Variants in COL22A1 observed in about 807,000 individuals in gnomAD.
The protein encoded by COL22A1 is collagen alpha-1(XXII) chain.
A neutral mutation model predicts 248.9 loss-of-function variants in COL22A1; 221 were observed. The observed-to-expected ratio is 0.89, with a 90% CI of 0.80 to 0.99. COL22A1 has a LOEUF of 0.99. Ranked by LOEUF, COL22A1 falls within the 50% of genes least tolerant of loss-of-function variation. COL22A1 has a pLI of 0.00. For synonymous variants in COL22A1, 891 were observed against 793.4 expected, an observed-to-expected ratio of 1.12 and a Z score of -2.07; for missense variants, 2,240 against 2,179.0, an observed-to-expected ratio of 1.03 and a Z score of -0.56.
chr8:138,812,496 G>A (rs776114934), intron 8 of COL22A1, among the ~76,000 whole-genome samples: 1 of 152,176 alleles, frequency 6.6e-6, no homozygotes, highest in Admixed American at 6.5e-5. Context: ...GCTGAGGTCC[G>A]AGAACAGAGC....
intron 57 of COL22A1, among the ~76,000 whole-genome samples, chr8:138,607,004 C>G (rs1036273326): frequency 6.6e-6 from 1 of 152,168 alleles, no homozygotes; most frequent in Non-Finnish European, 1.5e-5. Context: ...ACCACAGCCC[C>G]TGAGGGAGGT....
intron 3 of COL22A1, among the ~76,000 whole-genome samples, chr8:138,876,863 G>A (rs748441423): frequency 6.6e-6 from 1 of 152,208 alleles, no homozygotes; most frequent in Non-Finnish European, 1.5e-5. Context: ...CAGCCTGACC[G>A]GCTTCAAAGC....
At chr8:138,671,185 T>C (rs1824994332) in intron 41 of COL22A1, among the ~76,000 whole-genome samples, 3 of 151,960 alleles carry the variant, frequency 2.0e-5, no homozygotes, top group South Asian at 4.2e-4. Context: ...ACTGAAAAAT[T>C]AAGAAAAAGT....
At chr8:138,810,960 C>T (rs7838450) in intron 9 of COL22A1, among the ~76,000 whole-genome samples, 71,241 of 151,970 alleles carry the variant, frequency 0.47, 17,103 homozygotes, top group Middle Eastern at 0.57. Context: ...CAATACAGCC[C>T]GGTACAGGAG....
At chr8:138,746,024 G>A (rs1209259153) in intron 22 of COL22A1, among the ~76,000 whole-genome samples, 1 of 152,192 alleles carries the variant, frequency 6.6e-6, no homozygotes, top group Non-Finnish European at 1.5e-5. Flanking sequence ...GCAGGTGGGC[G>A]GGCATCTCCT....
chr8:138,660,941 CACATAA>C (rs1274611382), intron 43 of COL22A1, among the ~76,000 whole-genome samples: 3 of 69,786 alleles, frequency 4.3e-5, no homozygotes, highest in African/African-American at 1.3e-4. Flanking sequence ...CACAGACACA[CACATAA>C]ACACACAGAC....
chr8:138,755,864 C>CTGG, intron 18 of COL22A1, 35 bp from the exon 19 acceptor site: 1 of 1,595,148 alleles, frequency 6.3e-7, no homozygotes, highest in Non-Finnish European at 8.6e-7. Context: ...AGCATAGTTA[C>CTGG]TGGTGCCACC....
chr8:138,823,419 TTTTTC>T (rs1204043827), intron 6 of COL22A1, among the ~76,000 whole-genome samples: 2 of 152,046 alleles, frequency 1.3e-5, no homozygotes, highest in African/African-American at 2.4e-5. Flanking sequence ...TTTATTGGCT[TTTTTC>T]TTTTTTCTTT....
At chr8:138,909,381 T>C (rs1449645477) in intron 1 of COL22A1, among the ~76,000 whole-genome samples, 1 of 151,966 alleles carries the variant, frequency 6.6e-6, no homozygotes. Flanking sequence ...TTGCCTTTTT[T>C]TTTTTTTCTT....
chr8:138,864,785 CCTT>C (rs1172802411), intron 3 of COL22A1, among the ~76,000 whole-genome samples: 3 of 152,180 alleles, frequency 2.0e-5, no homozygotes, highest in South Asian at 2.1e-4. Context: ...CCAGCACAGT[CCTT>C]CTCAGCTAGG....
intron 41 of COL22A1, among the ~76,000 whole-genome samples, chr8:138,673,964 A>G (rs1825276114): frequency 1.3e-5 from 2 of 152,262 alleles, no homozygotes; most frequent in South Asian, 4.1e-4. Flanking sequence ...CAACTCTGCA[A>G]CAACGCCATG....
chr8:138,884,968 T>C (rs1824536240), intron 1 of COL22A1, among the ~76,000 whole-genome samples: 1 of 152,118 alleles, frequency 6.6e-6, no homozygotes, highest in Admixed American at 6.5e-5. Context: ...CAAATCAATT[T>C]CTAGGATTAT....
intron 55 of COL22A1, 78 bp downstream of exon 55, chr8:138,615,923 G>T: frequency 2.0e-6 from 2 of 1,020,286 alleles, no homozygotes; most frequent in Non-Finnish European, 3.1e-6. Context: ...GCCATTGTGG[G>T]GCAGTTTCTG....
intron 22 of COL22A1, among the ~76,000 whole-genome samples, chr8:138,749,322 C>T (rs1455961649): frequency 6.6e-6 from 1 of 152,140 alleles, no homozygotes. Flanking sequence ...TCCCTCCTTG[C>T]CTTAACAAGA....
chr8:138,891,600 G>A (rs540314527), intron 1 of COL22A1, among the ~76,000 whole-genome samples: 1 of 152,206 alleles, frequency 6.6e-6, no homozygotes, highest in East Asian at 1.9e-4. Context: ...GAAGAACTTG[G>A]GCTTAAGTAA....
rs1460061414 is a variant in COL22A1, at chr8:138,889,373, A to C, written c.-72-6129T>G. 2.6e-5 allele frequency among the ~76,000 whole-genome samples: 4 copies of C among 152,252 alleles called. No individual in the cohort carries two copies. The East Asian group carries it at 7.7e-4, about 29-fold the overall frequency. On this transcript the variant is annotated intron_variant, in intron 1 of 64. Coordinates refer to ENST00000303045, the MANE Select transcript of COL22A1 (RefSeq NM_152888.3). Reference sequence around the variant, plus strand: ...TGTGGCACGTATACACCACGGAATAATATGCAGCCATAAAAAATGATGAGT... The same window carrying C: ...TGTGGCACGTATACACCACGGAATACTATGCAGCCATAAAAAATGATGAGT...
chr8:138,873,436 T>A (rs900103160), intron 3 of COL22A1, among the ~76,000 whole-genome samples: 1 of 152,176 alleles, frequency 6.6e-6, no homozygotes, highest in Non-Finnish European at 1.5e-5. Flanking sequence ...GTCAGGCCAC[T>A]GCCCTTATTT....
chr8:138,608,954 G>A (rs1409613087), intron 56 of COL22A1, among the ~76,000 whole-genome samples: 1 of 152,208 alleles, frequency 6.6e-6, no homozygotes, highest in African/African-American at 2.4e-5. Context: ...AGACACACAG[G>A]AGGTTTCCTG....
intron 15 of COL22A1, among the ~76,000 whole-genome samples, chr8:138,776,863 G>T (rs1024268478): frequency 2.0e-5 from 3 of 152,170 alleles, no homozygotes; most frequent in African/African-American, 7.2e-5. Context: ...TCGATCCCTC[G>T]TTTGGCACAG....
Sources: allele counts gnomAD v4.1 joint callset (sites outside exome capture counted in the v4.1 genomes callset), GRCh38; gene constraint gnomAD v4.1.1; transcripts MANE v1.5; gene names NCBI Gene and HGNC (gene_info 2026-07-23, HGNC 2026-07-21).